SBF2: variants seen among roughly 807,000 people sequenced by gnomAD.
SBF2 encodes SET binding factor 2.
Under a neutral mutation model 225.2 loss-of-function variants are expected in SBF2, and 112 were observed. The ratio of observed to expected loss-of-function variants is 0.50; its 90% CI spans 0.43 to 0.58. The LOEUF is 0.58. SBF2 is among the 20% of genes least tolerant of loss of function. The pLI is 0.00. For synonymous variants in SBF2, 763 were observed against 773.3 expected (o/e 0.99, Z 0.22); for missense variants, 1,996 against 2,206.2 (o/e 0.90, Z 1.91).
intron 16 of SBF2, among the ~76,000 whole-genome samples, chr11:9,912,962 T>G (rs954125050): frequency 6.6e-6 from 1 of 152,096 alleles, no homozygotes; most frequent in African/African-American, 2.4e-5. Flanking sequence ...TCAGAAAAAG[T>G]TGGGTAAAAA....
At chr11:10,225,609 A>G (rs1183754444) in intron 1 of SBF2, among the ~76,000 whole-genome samples, 2 of 152,094 alleles carry the variant, frequency 1.3e-5, no homozygotes, top group Non-Finnish European at 2.9e-5. Flanking sequence ...ATGACACACC[A>G]TTTTCAAAAA....
At chr11:9,920,591 T>C (rs541396027) in intron 16 of SBF2, among the ~76,000 whole-genome samples, 5 of 152,350 alleles carry the variant, frequency 3.3e-5, no homozygotes, top group African/African-American at 9.6e-5. Flanking sequence ...TAAAGTATCT[T>C]CTTTCACATG....
intron 1 of SBF2, among the ~76,000 whole-genome samples, chr11:10,280,007 G>GA (rs1963291201): frequency 3.3e-5 from 5 of 152,194 alleles, no homozygotes; most frequent in Admixed American, 3.3e-4. Flanking sequence ...TCGTTTATCT[G>GA]AAATGTTTGG....
intron 16 of SBF2, among the ~76,000 whole-genome samples, chr11:9,920,182 ATGTGTG>A (rs137939953): frequency 6.1e-5 from 9 of 147,100 alleles, no homozygotes; most frequent in South Asian, 2.2e-4. Flanking sequence ...CAAATACTAT[ATGTGTG>A]TGTGTGTGTG....
intron 2 of SBF2, among the ~76,000 whole-genome samples, chr11:10,094,537 T>C (rs1951934481): frequency 6.9e-6 from 1 of 145,628 alleles, no homozygotes. Flanking sequence ...GATTTTTTTT[T>C]TTTTTTTTTG....
chr11:9,939,060 C>G (rs982158000), intron 16 of SBF2, among the ~76,000 whole-genome samples: 2 of 152,060 alleles, frequency 1.3e-5, no homozygotes, highest in Non-Finnish European at 2.9e-5. Flanking sequence ...AAAAGCCAAA[C>G]AAGCATGCTT....
At chr11:9,927,555 T>C (rs1864151260) in intron 16 of SBF2, among the ~76,000 whole-genome samples, 1 of 152,056 alleles carries the variant, frequency 6.6e-6, no homozygotes. Flanking sequence ...CCTCTGTCTC[T>C]AATAAAATAA....
chr11:10,060,855 T>C (rs1479330962), intron 2 of SBF2, among the ~76,000 whole-genome samples: 2 of 151,998 alleles, frequency 1.3e-5, no homozygotes, highest in Non-Finnish European at 2.9e-5. Flanking sequence ...GGTTAAACCC[T>C]GTCTCTACTA....
intron 1 of SBF2, among the ~76,000 whole-genome samples, chr11:10,248,834 G>T (rs1471058322): frequency 6.6e-6 from 1 of 152,226 alleles, no homozygotes; most frequent in Admixed American, 6.5e-5. Flanking sequence ...GGAGGCTTAC[G>T]CCTGTAATCC....
At chr11:10,067,139 G>A (rs1950656242) in intron 2 of SBF2, among the ~76,000 whole-genome samples, 1 of 151,928 alleles carries the variant, frequency 6.6e-6, no homozygotes, top group African/African-American at 2.4e-5. Flanking sequence ...ATTACTTAGG[G>A]ATACATATGT....
At chr11:10,213,914 T>G (rs1958031516) in intron 1 of SBF2, among the ~76,000 whole-genome samples, 1 of 152,232 alleles carries the variant, frequency 6.6e-6, no homozygotes, top group Admixed American at 6.5e-5. Flanking sequence ...CACTCTGCAC[T>G]GAACACAGTT....
chr11:9,950,060 A>C (rs1865771363), intron 16 of SBF2, among the ~76,000 whole-genome samples: 1 of 152,082 alleles, frequency 6.6e-6, no homozygotes, highest in African/African-American at 2.4e-5. Flanking sequence ...TAAACAAATA[A>C]ATAAAATAAG....
At chr11:9,889,825 TG>T (rs1860644038) in intron 17 of SBF2, among the ~76,000 whole-genome samples, 1 of 152,206 alleles carries the variant, frequency 6.6e-6, no homozygotes, top group African/African-American at 2.4e-5. Flanking sequence ...AGTGGTTGCC[TG>T]GGGATGGGGA....
chr11:9,962,127 A>C, intron 15 of SBF2, 21 bp from the exon 16 acceptor site: 1 of 1,612,886 alleles, frequency 6.2e-7, no homozygotes, highest in Non-Finnish European at 8.5e-7. Flanking sequence ...GAGAGGTACA[A>C]ATGACCAAAT....
intron 1 of SBF2, among the ~76,000 whole-genome samples, chr11:10,232,982 T>C (rs1296935353): frequency 2.6e-5 from 4 of 152,216 alleles, no homozygotes; most frequent in Admixed American, 6.5e-5. Flanking sequence ...AAATTTGCCA[T>C]CTGCATAACC....
chr11:10,114,666 T>C (rs1394103592), intron 2 of SBF2, among the ~76,000 whole-genome samples: 2 of 152,254 alleles, frequency 1.3e-5, no homozygotes, highest in South Asian at 2.1e-4. Flanking sequence ...CTAAGTATTG[T>C]CTGACCGCTT....
At chr11:9,866,605 G>A (rs1288283591) in intron 17 of SBF2, among the ~76,000 whole-genome samples, 1 of 152,182 alleles carries the variant, frequency 6.6e-6, no homozygotes, top group Admixed American at 6.5e-5. Context: ...TTCAATGTAA[G>A]ACGTGAAACT....
chr11:9,915,476 T>C (rs1310473984), intron 16 of SBF2: 1 of 150,114 alleles, frequency 6.7e-6, no homozygotes, highest in African/African-American at 2.4e-5. Context: ...AAATTCTAGC[T>C]GATAAACTGC....
chr11:10,052,829 T>C (rs1950109362), intron 2 of SBF2, among the ~76,000 whole-genome samples: 1 of 152,194 alleles, frequency 6.6e-6, no homozygotes, highest in African/African-American at 2.4e-5. Context: ...AATCCAAGTC[T>C]CTGCATTTCT....
Sources: gnomAD v4.1 joint callset for allele counts (sites outside exome capture counted in the v4.1 genomes callset) on GRCh38, gnomAD v4.1.1 for gene constraint, MANE v1.5 for transcripts, NCBI Gene and HGNC (gene_info 2026-07-23, HGNC 2026-07-21) for gene names.